PDE4B: variants seen among roughly 807,000 people sequenced by gnomAD.
The protein encoded by PDE4B is 3',5'-cyclic-AMP phosphodiesterase 4B.
Under a neutral mutation model 82.2 loss-of-function variants are expected in PDE4B, and 20 were observed. That is an observed-to-expected ratio of 0.24 (90% CI 0.17 to 0.35). The LOEUF is 0.35. PDE4B is among the 10% of genes least tolerant of loss of function. The pLI is 1.00. For synonymous variants in PDE4B, 320 were observed against 318.9 expected (o/e 1.00, Z -0.04); for missense variants, 655 against 907.2 (o/e 0.72, Z 3.57).
intron 3 of PDE4B, among the ~76,000 whole-genome samples, chr1:66,109,479 A>T (rs74799528): frequency 7.6e-5 from 1 of 13,180 alleles, no homozygotes; most frequent in African/African-American, 9.7e-5. Context: ...AAAACAATTT[A>T]AAAAAAAATT....
chr1:66,197,926 T>A (rs951806520), intron 3 of PDE4B, among the ~76,000 whole-genome samples: 1 of 152,162 alleles, frequency 6.6e-6, no homozygotes, highest in Admixed American at 6.6e-5. Context: ...CAGTTTCTGT[T>A]GAGTTGGCAA....
intron 7 of PDE4B, among the ~76,000 whole-genome samples, chr1:66,300,524 A>G (rs1483873278): frequency 6.6e-6 from 1 of 152,166 alleles, no homozygotes; most frequent in African/African-American, 2.4e-5. Flanking sequence ...ACTTCTGTGC[A>G]CTTACATAGC....
intron 3 of PDE4B, among the ~76,000 whole-genome samples, chr1:66,101,731 A>G (rs1645228888): frequency 1.3e-5 from 2 of 152,128 alleles, no homozygotes; most frequent in South Asian, 2.1e-4. Flanking sequence ...TCTGGATATT[A>G]GCCCTTTGTC....
intron 3 of PDE4B, among the ~76,000 whole-genome samples, chr1:66,047,038 C>T (rs1258915353): frequency 3.3e-5 from 5 of 151,748 alleles, no homozygotes; most frequent in Admixed American, 6.6e-5. Flanking sequence ...TAAAGAATAG[C>T]AAATATTAAC....
At chr1:66,299,417 A>G (rs1035139984) in intron 7 of PDE4B, among the ~76,000 whole-genome samples, 1 of 152,172 alleles carries the variant, frequency 6.6e-6, no homozygotes, top group African/African-American at 2.4e-5. Context: ...TTCATGAGTG[A>G]ATAGCATTCC....
At chr1:66,144,864 G>A (rs911531897) in intron 3 of PDE4B, among the ~76,000 whole-genome samples, 22 of 152,234 alleles carry the variant, frequency 1.4e-4, no homozygotes, top group African/African-American at 5.1e-4. Context: ...TATTCTCTTG[G>A]GAGACACATA....
intron 3 of PDE4B, among the ~76,000 whole-genome samples, chr1:66,239,519 G>A (rs1652716915): frequency 6.6e-6 from 1 of 152,116 alleles, no homozygotes; most frequent in Admixed American, 6.5e-5. Context: ...AAAACATAAA[G>A]AAAGACATAC....
chr1:65,868,966 G>C (rs1055080752), intron 1 of PDE4B, among the ~76,000 whole-genome samples: 2 of 152,106 alleles, frequency 1.3e-5, no homozygotes, highest in African/African-American at 4.8e-5. Flanking sequence ...CCACAAAACT[G>C]GTCCCTGGTG....
intron 3 of PDE4B, among the ~76,000 whole-genome samples, chr1:66,056,189 G>A (rs2100878454): frequency 6.6e-6 from 1 of 152,266 alleles, no homozygotes; most frequent in Non-Finnish European, 1.5e-5. Flanking sequence ...AAAAATAGAT[G>A]AAATGTTTCA....
At chr1:65,971,663 A>G (rs1267250721) in intron 3 of PDE4B, among the ~76,000 whole-genome samples, 3 of 152,186 alleles carry the variant, frequency 2.0e-5, no homozygotes, top group Admixed American at 2.0e-4. Context: ...TATTCCAACT[A>G]TTTCCGAAGT....
Position 66,299,541 on chromosome 1 carries a change from C to G in PDE4B, c.635-32967C>G, listed in dbSNP as rs540344787. ...CAATAAACGTGGGGTGCAGATATCT[C>G]TCCAATACATTGATTTATTTTCCCT... On this transcript the variant is annotated intron_variant, in intron 7 of 16. Transcript: ENST00000341517. Among the ~76,000 whole-genome samples, 260 of 152,256 alleles carry G rather than the reference C, an allele frequency of 1.7e-3. 1 individual carries two copies. Among genetic ancestry groups the G allele is most frequent in the Non-Finnish European group, 2.4e-3 (164 of 68,014 alleles).
intron 3 of PDE4B, among the ~76,000 whole-genome samples, chr1:66,070,272 T>C (rs189967327): frequency 1.8e-4 from 28 of 152,112 alleles, no homozygotes; most frequent in African/African-American, 6.7e-4. Flanking sequence ...GAAAAAGGTC[T>C]GTTGAAATCT....
intron 3 of PDE4B, among the ~76,000 whole-genome samples, chr1:65,999,379 A>T (rs1651734992): frequency 6.6e-6 from 1 of 152,170 alleles, no homozygotes; most frequent in Admixed American, 6.5e-5. Context: ...GGCTGCTTCC[A>T]ACCTCCTCTC....
intron 3 of PDE4B, among the ~76,000 whole-genome samples, chr1:66,091,470 T>A (rs1645023546): frequency 6.6e-6 from 1 of 152,206 alleles, no homozygotes; most frequent in African/African-American, 2.4e-5. Flanking sequence ...TAATAAATAA[T>A]TATGTAGCAA....
At chr1:66,067,151 G>A (rs570384146) in intron 3 of PDE4B, among the ~76,000 whole-genome samples, 6 of 152,156 alleles carry the variant, frequency 3.9e-5, no homozygotes, top group Non-Finnish European at 5.9e-5. Context: ...GTAAACATAC[G>A]TGTGCATGTG....
rs540965562 is a variant in PDE4B at position 66,130,510 on chromosome 1, T to G, written c.282-116950T>G. 7.2e-5 allele frequency among the ~76,000 whole-genome samples: 11 copies of G among 152,122 alleles called. No homozygotes were observed. In the East Asian group the frequency reaches 1.2e-3, roughly 16 times the overall value. ...GAGGGACACCTCACAGACCCCCACT[T>G]AAGGACCGAACTACACTCACTCTCC... On this transcript the variant is annotated intron_variant, in intron 3 of 16. Coordinates refer to ENST00000341517, the MANE Select transcript of PDE4B (RefSeq NM_002600.4).
chr1:66,250,194 C>T (rs920568315), intron 4 of PDE4B, among the ~76,000 whole-genome samples: 1 of 152,134 alleles, frequency 6.6e-6, no homozygotes, highest in African/African-American at 2.4e-5. Context: ...CCACACTTCC[C>T]GCCCCTTTTT....
At chr1:66,210,595 CAAAAAAAAAAA>C (rs35825766) in intron 3 of PDE4B, among the ~76,000 whole-genome samples, 774 of 45,822 alleles carry the variant, frequency 0.017, 15 homozygotes, top group African/African-American at 0.061. Context: ...GACTCCATCT[CAAAAAAAAAAA>C]AAAAAAAAAA....
At chr1:65,981,203 A>C (rs924745233) in intron 3 of PDE4B, among the ~76,000 whole-genome samples, 1 of 152,172 alleles carries the variant, frequency 6.6e-6, no homozygotes. Flanking sequence ...ACGTTTCTAG[A>C]TTTTAACACA....
Sources: allele counts gnomAD v4.1 joint callset (sites outside exome capture counted in the v4.1 genomes callset), GRCh38; gene constraint gnomAD v4.1.1; transcripts MANE v1.5; gene names NCBI Gene and HGNC (gene_info 2026-07-23, HGNC 2026-07-21).